Variants in ESR1 observed in about 807,000 individuals in gnomAD.
ESR1 encodes estrogen receptor 1.
A neutral mutation model predicts 52.7 loss-of-function variants in ESR1; 12 were observed. That is an observed-to-expected ratio of 0.23 (90% CI 0.15 to 0.37). ESR1 has a LOEUF of 0.37. Ranked by LOEUF, ESR1 falls within the 10% of genes least tolerant of loss-of-function variation. The pLI, the probability that ESR1 is intolerant of heterozygous loss-of-function variation, is 1.00. For synonymous variants in ESR1, 305 were observed against 316.8 expected (o/e 0.96, Z 0.39); for missense variants, 584 against 779.7 (o/e 0.75, Z 2.99).
intron 4 of ESR1, among the ~76,000 whole-genome samples, chr6:151,976,150 T>C (rs1208440599): frequency 2.6e-5 from 4 of 152,218 alleles, no homozygotes; most frequent in African/African-American, 9.7e-5. Context: ...TTTTGTTGTT[T>C]TTTTTTAATG....
chr6:151,921,812 A>C (rs766351593), intron 3 of ESR1, among the ~76,000 whole-genome samples: 1 of 152,150 alleles, frequency 6.6e-6, no homozygotes. Flanking sequence ...AATTTGTCTA[A>C]GTTCCTTGTA....
intron 3 of ESR1, among the ~76,000 whole-genome samples, chr6:151,913,618 T>C (rs1336784631): frequency 6.6e-6 from 1 of 152,226 alleles, no homozygotes; most frequent in Non-Finnish European, 1.5e-5. Context: ...TAGGACAATT[T>C]ATTCTATAGG....
intron 2 of ESR1, among the ~76,000 whole-genome samples, chr6:151,879,687 C>T (rs1391605214): frequency 6.6e-6 from 1 of 152,162 alleles, no homozygotes; most frequent in Non-Finnish European, 1.5e-5. Context: ...CCTGCATTCT[C>T]ACATTCAATT....
At chr6:151,735,049 CTG>C (rs1436801956) in intron 2 of ESR1, among the ~76,000 whole-genome samples, 1 of 152,146 alleles carries the variant, frequency 6.6e-6, no homozygotes, top group Non-Finnish European at 1.5e-5. Context: ...ATAAAGCAGA[CTG>C]TGAATAAATA....
chr6:151,877,402 G>A (rs1003574050), intron 2 of ESR1, among the ~76,000 whole-genome samples: 6 of 152,112 alleles, frequency 3.9e-5, no homozygotes, highest in African/African-American at 1.4e-4. Context: ...ATAAGAATTT[G>A]TTTTAATTGC....
intron 5 of ESR1, 84 bp downstream of exon 5, chr6:152,011,878 T>G: frequency 6.8e-7 from 1 of 1,478,374 alleles, no homozygotes; most frequent in Non-Finnish European, 9.3e-7. Flanking sequence ...CATCTCTCGG[T>G]GAAGCTTCAG....
chr6:151,844,455 T>C (rs776126108), intron 2 of ESR1, among the ~76,000 whole-genome samples: 1 of 152,164 alleles, frequency 6.6e-6, no homozygotes, highest in Non-Finnish European at 1.5e-5. Context: ...TCCTCATCAG[T>C]AAAAATGATT....
chr6:151,716,948 A>G (rs113844265), intron 2 of ESR1, among the ~76,000 whole-genome samples: 2 of 152,162 alleles, frequency 1.3e-5, no homozygotes, highest in African/African-American at 4.8e-5. Flanking sequence ...CTTGAAACCC[A>G]GGGCCCTGGA....
At chr6:152,014,627 T>C (rs899957480) in intron 5 of ESR1, among the ~76,000 whole-genome samples, 1 of 152,078 alleles carries the variant, frequency 6.6e-6, no homozygotes, top group African/African-American at 2.4e-5. Flanking sequence ...CACCAAATTA[T>C]CCAGTTAACT....
At chr6:152,062,392 C>T (rs2047618477) in intron 6 of ESR1, among the ~76,000 whole-genome samples, 1 of 152,196 alleles carries the variant, frequency 6.6e-6, no homozygotes, top group African/African-American at 2.4e-5. Context: ...TAATGGTTAT[C>T]ACAGTAATCA....
At chr6:152,120,784 C>T (rs2813553) in intron 6 of ESR1, among the ~76,000 whole-genome samples, 35,166 of 151,950 alleles carry the variant, frequency 0.23, 4,215 homozygotes, top group African/African-American at 0.3. Context: ...CTAGCAAACC[C>T]CAGGAACCCT....
At chr6:151,715,265 T>C (rs1016666959) in intron 2 of ESR1, among the ~76,000 whole-genome samples, 3 of 152,200 alleles carry the variant, frequency 2.0e-5, no homozygotes, top group Non-Finnish European at 4.4e-5. Context: ...TGGCTGCACT[T>C]AACATTTTTT....
At chr6:152,006,193 TG>T (rs1392162653) in intron 4 of ESR1, among the ~76,000 whole-genome samples, 2 of 152,096 alleles carry the variant, frequency 1.3e-5, no homozygotes, top group African/African-American at 4.8e-5. Context: ...TGATGGATGT[TG>T]CATTTATTTT....
At chr6:151,942,570 T>A (rs1163634857) in intron 3 of ESR1, among the ~76,000 whole-genome samples, 2 of 151,490 alleles carry the variant, frequency 1.3e-5, no homozygotes, top group East Asian at 3.9e-4. Context: ...AAGTACTTAT[T>A]TTAATACTGA....
intron 4 of ESR1, among the ~76,000 whole-genome samples, chr6:151,950,263 TG>T (rs2036185006): frequency 6.6e-6 from 1 of 152,214 alleles, no homozygotes; most frequent in African/African-American, 2.4e-5. Flanking sequence ...ACAGTGAGTC[TG>T]GGTCAGTGTG....
At chr6:151,844,172 A>G (rs961659596) in intron 2 of ESR1, among the ~76,000 whole-genome samples, 1 of 151,658 alleles carries the variant, frequency 6.6e-6, no homozygotes, top group Non-Finnish European at 1.5e-5. Context: ...ATATAAATAT[A>G]TATATGCACA....
At chr6:152,127,833 A>C (rs934167005) in exon 7 of ESR1, 1 of 151,434 alleles carries the variant, frequency 6.6e-6, no homozygotes, top group African/African-American at 2.4e-5. Flanking sequence ...CATGCAAAAA[A>C]CCCCCACTGC....
At chr6:152,029,322 T>G (rs2044459431) in intron 5 of ESR1, among the ~76,000 whole-genome samples, 1 of 152,126 alleles carries the variant, frequency 6.6e-6, no homozygotes. Context: ...AAAAGAAGGC[T>G]TCAGACGATG....
chr6:151,818,611 A>G (rs563212199), intron 1 of ESR1, among the ~76,000 whole-genome samples: 2 of 152,264 alleles, frequency 1.3e-5, no homozygotes, highest in East Asian at 3.9e-4. Flanking sequence ...GTCATTTTCT[A>G]GGACATCTTA....
Sources: allele counts gnomAD v4.1 joint callset (sites outside exome capture counted in the v4.1 genomes callset), GRCh38; gene constraint gnomAD v4.1.1; transcripts MANE v1.5; gene names NCBI Gene and HGNC (gene_info 2026-07-23, HGNC 2026-07-21).